PPIC: variants seen among roughly 807,000 people sequenced by gnomAD.
PPIC encodes the protein peptidylprolyl isomerase C.
In PPIC, 19 loss-of-function variants were observed where a neutral mutation model predicts 19.5. The ratio of observed to expected loss-of-function variants is 0.98; its 90% CI spans 0.68 to 1.43. The LOEUF is 1.43. Ranked by LOEUF, PPIC falls within the 40% of genes most tolerant of loss-of-function variation. PPIC has a pLI of 0.00. For missense variants in PPIC, 268 were observed against 268.6 expected (o/e 1.00, Z 0.02); for synonymous variants, 107 against 101.2 (o/e 1.06, Z -0.34).
Position 123,023,997 on chromosome 5 carries a change from C to T in PPIC, c.517G>A (p.Val173Met). 1 of 1,612,506 alleles carries T rather than the reference C, an allele frequency of 6.2e-7. No homozygotes were observed. The highest frequency in any genetic ancestry group is 1.1e-5 in the South Asian group (1 of 90,800). Residue 173 changes from valine to methionine, a missense_variant, in exon 5 of 5, where the codon GTG (valine) becomes ATG (methionine). By Grantham distance (21) the Val-to-Met change is conservative. Coordinates refer to ENST00000306442, the MANE Select transcript of PPIC (RefSeq NM_000943.5). ...GTTGCTTGGAGCTCTATGGAGTGCA[C>T]CACTGTCTGGTGAGAGAAAAGTAGA... ...FGKVIDGMTV[V>M]HSIELQATDG...
chr5:123,029,229 T>C (rs1396532494), intron 2 of PPIC, 76 bp downstream of exon 2: 4 of 1,610,544 alleles, frequency 2.5e-6, no homozygotes, highest in East Asian at 2.2e-5. Flanking sequence ...TTAATACTTA[T>C]TTTCTCAGAT....
rs2150191586 is a variant in PPIC at position 123,036,235 on chromosome 5, G to C, written c.117+274C>G. On this transcript the variant is annotated intron_variant, in intron 1 of 4. Coordinates refer to ENST00000306442, the MANE Select transcript of PPIC (RefSeq NM_000943.5). The surrounding 1 kb of genome is among the most constrained non-coding windows in gnomAD (Gnocchi z 4.5). ...CGGAAGCCTCTCCTACCCCCAGGCT[G>C]GTCACCTCGGACTACCGACCCGGGA... 1 of 496,828 alleles carries C rather than the reference G, an allele frequency of 2.0e-6. No individual in the cohort carries two copies. Among genetic ancestry groups the C allele is most frequent in the Admixed American group, 3.5e-5 (1 of 28,942 alleles). The allele number at this position is 496,828 out of a possible 1,614,324, so 30.8% of individuals were successfully genotyped here.
Position 123,023,676 on chromosome 5 carries a change from C to A in PPIC, c.*199G>T. The A allele has an allele frequency of 1.3e-6, 1 of 765,456 alleles. No homozygotes were observed. Among genetic ancestry groups the A allele is most frequent in the Non-Finnish European group, 1.8e-6 (1 of 556,856 alleles). The allele number at this position is 765,456 out of a possible 1,614,324, so 47.4% of individuals were successfully genotyped here. On this transcript the variant is annotated 3_prime_UTR_variant, in exon 5 of 5. Transcript: ENST00000306442. ...GGGGATATATTTAAGTTCAAAGTCC[C>A]TAAGCAGGTGGTTTACTAAAGTTCA...
rs1244530502 is a variant in PPIC at position 123,025,781 on chromosome 5, T to G, written c.510+3A>C. 2 of 1,611,502 alleles carry G rather than the reference T, an allele frequency of 1.2e-6. No homozygotes were observed. Among genetic ancestry groups the G allele is most frequent in the Non-Finnish European group, 1.7e-6 (2 of 1,179,326 alleles). On this transcript the variant is annotated splice_donor_region_variant and intron_variant, in intron 4 of 4. Transcript: ENST00000306442. The stretch of plus-strand genomic sequence containing the variant: ...TTGAAAGGAAAAAAATGTATCAATT[T>G]ACCATCCCATCAATGACTTTTCCAA...
rs779206855 is a variant in PPIC, at chr5:123,025,783, C to T, written c.510+1G>A. On this transcript the variant is annotated splice_donor_variant, in intron 4 of 4. Transcript: ENST00000306442. LOFTEE classifies it high-confidence loss of function. ...GAAAGGAAAAAAATGTATCAATTTA[C>T]CATCCCATCAATGACTTTTCCAAAC... is the stretch of plus-strand genomic sequence containing the variant. The T allele has an allele frequency of 2.8e-5, 45 of 1,611,380 alleles. No individual in the cohort carries two copies. The highest frequency in any genetic ancestry group is 3.8e-5 in the Non-Finnish European group (45 of 1,179,282).
intron 1 of PPIC, among the ~76,000 whole-genome samples, chr5:123,035,311 T>C (rs1427073454): frequency 2.0e-5 from 3 of 152,232 alleles, no homozygotes; most frequent in Non-Finnish European, 4.4e-5. Flanking sequence ...TTTATGTTTA[T>C]GGCTTTATCC....
At chr5:123,026,171 A>G (rs1762850115) in intron 3 of PPIC, among the ~76,000 whole-genome samples, 1 of 152,220 alleles carries the variant, frequency 6.6e-6, no homozygotes. Context: ...TAAAATGAAC[A>G]AAGAAAGCCT....
chr5:123,026,197 A>G (rs1342283578), intron 3 of PPIC, among the ~76,000 whole-genome samples: 1 of 152,212 alleles, frequency 6.6e-6, no homozygotes, highest in African/African-American at 2.4e-5. Flanking sequence ...ATGGCACAGG[A>G]TAGTGGGATA....
intron 4 of PPIC, 120 bp downstream of exon 4, chr5:123,025,664 A>G (rs1348246242): frequency 3.0e-6 from 3 of 1,011,752 alleles, no homozygotes; most frequent in African/African-American, 3.3e-5. Context: ...TCACCTTTGA[A>G]GAGGCCAGTC....
At chr5:123,026,945 A>G (rs1762868055) in intron 3 of PPIC, among the ~76,000 whole-genome samples, 1 of 152,196 alleles carries the variant, frequency 6.6e-6, no homozygotes, top group Non-Finnish European at 1.5e-5. Context: ...CTGTAATCCC[A>G]GCACTTTGGG....
In PPIC at chr5:123,028,843, T is replaced by C. The variant is rs34341374; in HGVS notation, c.257A>G (p.Lys86Arg). Residue 86 changes from lysine (K) to arginine (R), a missense_variant, in exon 3 of 5, where the codon AAG (lysine) becomes AGG (arginine). Coordinates refer to ENST00000306442, the MANE Select transcript of PPIC (RefSeq NM_000943.5). ...GEKGYGYKGS[K>R]FHRVIKDFMI... ...GAAATCCTTGATGACACGATGAAAC[T>C]TGCTTCCTTTATATCCATATCCTTT... is the stretch of plus-strand genomic sequence containing the variant. 31,108 of 1,609,698 alleles carry C rather than the reference T, an allele frequency of 0.019. 575 individuals are homozygous for C. Among genetic ancestry groups the C allele is most frequent in the Middle Eastern group, 0.08 (484 of 6,054 alleles).
chr5:123,036,680 A>G lies in PPIC; in HGVS notation c.-55T>C. Reference sequence around the variant, plus strand: ...CGGGCGCTACCGGCACGGGCGCGACACAGGCTCTGGGACAGCTGACGGGAC... The same window carrying G: ...CGGGCGCTACCGGCACGGGCGCGACGCAGGCTCTGGGACAGCTGACGGGAC... On this transcript the variant is annotated 5_prime_UTR_variant, in exon 1 of 5. Transcript: ENST00000306442. This position sits in a 1 kb window ranked among gnomAD's most constrained non-coding sequence, Gnocchi z 4.5. 6.8e-7 allele frequency: 1 copy of G among 1,465,222 alleles called. No individual in the cohort carries two copies. Among genetic ancestry groups the G allele is most frequent in the Non-Finnish European group, 9.3e-7 (1 of 1,075,526 alleles). 90.8% of individuals were successfully genotyped at this position (1,465,222 alleles called of 1,614,324 possible).
rs45508298 is a variant in PPIC, at chr5:123,032,822, T to C, written c.118-3404A>G. ...TCTGTGGAGATAAGTGTGGGCTTCCTGGGAAAGGTGATATTGGATTCCATG... is the reference window on the plus strand; with the variant it reads ...TCTGTGGAGATAAGTGTGGGCTTCCCGGGAAAGGTGATATTGGATTCCATG... On this transcript the variant is annotated intron_variant, in intron 1 of 4. Coordinates refer to ENST00000306442, the MANE Select transcript of PPIC (RefSeq NM_000943.5). Among the ~76,000 whole-genome samples the C allele has an allele frequency of 6.0e-4, 92 of 152,304 alleles. 3 individuals carry two copies. In the East Asian group the frequency reaches 0.016, roughly 27 times the overall value.
At position 123,028,846 on chromosome 5, in the gene PPIC, C is replaced by G. The variant is rs765076245; in HGVS notation, c.254G>C (p.Ser85Thr). The change falls in exon 3 of 5, where the codon AGC becomes ACC. Residue 85 changes from serine to threonine, a missense_variant. Coordinates refer to ENST00000306442, the MANE Select transcript of PPIC (RefSeq NM_000943.5). ...ATCCTTGATGACACGATGAAACTTGCTTCCTTTATATCCATATCCTTTCTA... is the reference window on the plus strand; with the variant it reads ...ATCCTTGATGACACGATGAAACTTGGTTCCTTTATATCCATATCCTTTCTA... ...TGEKGYGYKG[S>T]KFHRVIKDFM... 1 of 1,612,048 alleles carries G rather than the reference C, an allele frequency of 6.2e-7. No individual in the cohort carries two copies. Among genetic ancestry groups the G allele is most frequent in the African/African-American group, 1.3e-5 (1 of 74,848 alleles).
In PPIC at chr5:123,024,019, T is replaced by C. The variant is rs976851409; in HGVS notation, c.511-16A>G. 3.1e-6 allele frequency: 5 copies of C among 1,610,312 alleles called. No homozygotes were observed. The African/African-American group carries it at 6.7e-5, about 22-fold the overall frequency. On this transcript the variant is annotated splice_polypyrimidine_tract_variant and intron_variant, in intron 4 of 4. Transcript: ENST00000306442. ...GCACCACTGTCTGGTGAGAGAAAAG[T>C]AGACACATGGTTTAATTCTGACCAG...
chr5:123,027,385 T>A lies in PPIC; in HGVS notation c.325+1390A>T, dbSNP rs369960870. Reference sequence around the variant, plus strand: ...CAAGATGCACACTGGGCAGGGAAGGTAGTGAGAAAAAAAAGGTAGCAGAAA... The same window carrying A: ...CAAGATGCACACTGGGCAGGGAAGGAAGTGAGAAAAAAAAGGTAGCAGAAA... On this transcript the variant is annotated intron_variant, in intron 3 of 4. Coordinates refer to ENST00000306442, the MANE Select transcript of PPIC (RefSeq NM_000943.5). Among the ~76,000 whole-genome samples the A allele has an allele frequency of 4.8e-4, 73 of 151,388 alleles. 1 individual carries two copies. In the East Asian group the frequency reaches 0.013, roughly 28 times the overall value.
At position 123,023,350 on chromosome 5, in the gene PPIC, A is replaced by ACTT. The variant is rs1456708811; in HGVS notation, c.*522_*524dup. The ACTT allele has an allele frequency of 6.6e-6, 1 of 152,264 alleles. No homozygotes were observed. The highest frequency in any genetic ancestry group is 1.5e-5 in the Non-Finnish European group (1 of 68,068). The allele number at this position is 152,264 out of a possible 1,614,324, so 9.4% of individuals were successfully genotyped here. A position where few individuals can be genotyped will look rare whatever the true frequency, so the allele number is the denominator to read the frequency against. On this transcript the variant is annotated 3_prime_UTR_variant, in exon 5 of 5. Transcript: ENST00000306442. The stretch of plus-strand genomic sequence containing the variant: ...TGTATTTTTGTATATTTCTTAAAGA[A>ACTT]CTTTACATTTTTAAAAAGTCTTGCA...
chr5:123,034,744 C>G (rs1333928369), intron 1 of PPIC, among the ~76,000 whole-genome samples: 1 of 152,148 alleles, frequency 6.6e-6, no homozygotes, highest in Non-Finnish European at 1.5e-5. Flanking sequence ...CTCCCTCGCC[C>G]CCTTTCTAAA....
rs1762899012 is a variant in PPIC, at chr5:123,028,747, T to C, written c.325+28A>G. The stretch of plus-strand genomic sequence containing the variant: ...TAACCTTAGATTTCGGTTTGGTAAA[T>C]GGGAAAGGAAAAATGCAAAGACGTT... On this transcript the variant is annotated intron_variant, in intron 3 of 4. Coordinates refer to ENST00000306442, the MANE Select transcript of PPIC (RefSeq NM_000943.5). The C allele has an allele frequency of 3.8e-6, 6 of 1,572,940 alleles. No homozygotes were observed. The South Asian group carries it at 6.7e-5, about 18-fold the overall frequency.
Sources: allele counts gnomAD v4.1 joint callset (sites outside exome capture counted in the v4.1 genomes callset), GRCh38; gene constraint gnomAD v4.1.1; non-coding constraint Gnocchi (gnomAD v3.1); transcripts MANE v1.5; gene names NCBI Gene and HGNC (gene_info 2026-07-23, HGNC 2026-07-21).